UBR4: variants seen among roughly 807,000 people sequenced by gnomAD.
UBR4 encodes the protein E3 ubiquitin-protein ligase UBR4.
UBR4 carries 124 observed loss-of-function variants against 575.6 expected under a neutral mutation model. That is an observed-to-expected ratio of 0.22 (90% CI 0.19 to 0.25). The LOEUF (loss-of-function observed/expected upper bound fraction) is 0.25. Ranked by LOEUF, UBR4 falls within the 10% of genes least tolerant of loss-of-function variation. UBR4 has a pLI of 1.00. For missense variants in UBR4, 4,818 were observed against 6,478.8 expected (o/e 0.74, Z 8.80); for synonymous variants, 2,455 against 2,473.7 (o/e 0.99, Z 0.22).
chr1:19,210,051 C>A, intron 1 of UBR4, 22 bp downstream of exon 1: 1 of 1,529,634 alleles, frequency 6.5e-7, no homozygotes, highest in Non-Finnish European at 8.8e-7. Context: ...CAGCGTCGCC[C>A]GCCAGAGCCG....
At position 19,210,256 on chromosome 1, in the gene UBR4, C is replaced by T. The variant is rs2093254718; in HGVS notation, c.-8G>A. ...GCCGCCGCTCGTCGCCATCTTCCGT[C>T]GTACTACTGCGGCTCCCTCCGGGGG... On this transcript the variant is annotated 5_prime_UTR_variant, in exon 1 of 106. Transcript: ENST00000375254. 1 of 1,444,074 alleles carries T rather than the reference C, an allele frequency of 6.9e-7. No individual in the cohort carries two copies. Among genetic ancestry groups the T allele is most frequent in the Non-Finnish European group, 9.1e-7 (1 of 1,104,598 alleles). The allele number at this position is 1,444,074 out of a possible 1,614,324, so 89.5% of individuals were successfully genotyped here.
chr1:19,189,894 T>C (rs2091906014), intron 11 of UBR4, among the ~76,000 whole-genome samples: 1 of 152,138 alleles, frequency 6.6e-6, no homozygotes. Flanking sequence ...ACCATGTCAA[T>C]ACCGGCTTCA....
At position 19,084,641 on chromosome 1, in the gene UBR4, G is replaced by A. The variant is rs766903871; in HGVS notation, c.14871C>T (p.Asn4957=). The change falls in exon 102 of 106, where the codon AAC becomes AAT. Residue 4957 remains asparagine, a synonymous_variant. Coordinates refer to ENST00000375254, the MANE Select transcript of UBR4 (RefSeq NM_020765.3). ...TGQREPTYQL[N]IHDIKLLFLR... is the part of the protein sequence containing the mutation. ...GGAAGAGCAGTTTGATGTCATGGAT[G>A]TTGAGCTGATACGTGGGCTCCCGCT... The A allele has an allele frequency of 1.9e-6, 3 of 1,614,168 alleles. No homozygotes were observed. Among genetic ancestry groups the A allele is most frequent in the East Asian group, 2.2e-5 (1 of 44,882 alleles).
intron 27 of UBR4, 106 bp downstream of exon 27, chr1:19,169,329 G>T: frequency 1.1e-6 from 1 of 875,668 alleles, no homozygotes; most frequent in Non-Finnish European, 1.7e-6. Flanking sequence ...TGCAGTATAT[G>T]AAGATATCTT....
intron 25 of UBR4, among the ~76,000 whole-genome samples, chr1:19,172,332 C>G (rs1336718673): frequency 1.3e-5 from 2 of 152,112 alleles, no homozygotes; most frequent in Non-Finnish European, 2.9e-5. Context: ...GCCTGGCCAA[C>G]ATGGCGAAAC....
rs572791563 is a variant in UBR4, at chr1:19,187,051, C to A, written c.1632+113G>T. The A allele has an allele frequency of 5.4e-5, 45 of 825,744 alleles. 1 individual carries two copies. In the South Asian group the frequency reaches 2.5e-3, roughly 46 times the overall value. 51.2% of individuals were successfully genotyped at this position (825,744 alleles called of 1,614,324 possible). The stretch of plus-strand genomic sequence containing the variant: ...GTCTATAAAGGTCATGGTGTGTAGT[C>A]AGTCTTATTCATTTCAAGAAAGTTT... On this transcript the variant is annotated intron_variant, in intron 13 of 105. Coordinates refer to ENST00000375254, the MANE Select transcript of UBR4 (RefSeq NM_020765.3).
intron 102 of UBR4, among the ~76,000 whole-genome samples, chr1:19,082,705 AG>A (rs1416966297): frequency 2.0e-5 from 3 of 152,214 alleles, no homozygotes; most frequent in African/African-American, 7.2e-5. Context: ...GGAAAGCAGG[AG>A]GAGAGGGTGC....
chr1:19,086,649 A>G, intron 100 of UBR4, 30 bp downstream of exon 100: 1 of 1,610,904 alleles, frequency 6.2e-7, no homozygotes, highest in Non-Finnish European at 8.5e-7. Flanking sequence ...GGCCTACTGA[A>G]GGAGCCATTC....
Position 19,126,612 on chromosome 1 carries a change from C to T in UBR4, c.9272G>A (p.Ser3091Asn). ...CAGGCAGTAGTCCACAGCCCCAGAG[C>T]TCAGTAGAGCTGCTGCTGTGGCACT... ...ISSATAAALL[S>N]SGAVDYCLHV... Residue 3091 changes from serine to asparagine, a missense_variant, in exon 64 of 106, where the codon AGC (serine) becomes AAC (asparagine). Ser to Asn is a conservative substitution (Grantham distance 46). This residue lies in a region of UBR4 where 550 missense variants were observed against 791.5 expected (regional missense o/e 0.69). Coordinates refer to ENST00000375254, the MANE Select transcript of UBR4 (RefSeq NM_020765.3). 6.2e-7 allele frequency: 1 copy of T among 1,614,048 alleles called. No individual in the cohort carries two copies. Among genetic ancestry groups the T allele is most frequent in the African/African-American group, 1.3e-5 (1 of 75,038 alleles).
At chr1:19,124,420 A>T (rs769754360) in intron 65 of UBR4, 121 bp downstream of exon 65, 40 of 1,348,276 alleles carry the variant, frequency 3.0e-5, no homozygotes, top group Non-Finnish European at 4.0e-5. Context: ...AAGACCTACA[A>T]AGGTGAAAGG....
At chr1:19,202,531 G>A (rs563024393) in intron 1 of UBR4, among the ~76,000 whole-genome samples, 2 of 152,238 alleles carry the variant, frequency 1.3e-5, no homozygotes, top group East Asian at 1.9e-4. Flanking sequence ...AACAACTCAA[G>A]ATAAGAAGTC....
chr1:19,115,780 A>AG, intron 73 of UBR4, 143 bp from the exon 74 acceptor site: 1 of 1,336,772 alleles, frequency 7.5e-7, no homozygotes, highest in Non-Finnish European at 1.0e-6. Flanking sequence ...GGCATATAAT[A>AG]GGAAGCCAGT....
intron 73 of UBR4, among the ~76,000 whole-genome samples, chr1:19,116,238 T>C (rs2080513992): frequency 6.6e-6 from 1 of 152,230 alleles, no homozygotes; most frequent in Non-Finnish European, 1.5e-5. Context: ...CTCCATTTTA[T>C]AGTTACAGAA....
chr1:19,181,398 C>T (rs1289411309), intron 17 of UBR4, among the ~76,000 whole-genome samples: 1 of 152,112 alleles, frequency 6.6e-6, no homozygotes, highest in African/African-American at 2.4e-5. Context: ...TCTCTCTTAC[C>T]CCCAAACCAA....
chr1:19,093,255 AG>A lies in UBR4; in HGVS notation c.14111+57del. On this transcript the variant is annotated intron_variant, in intron 96 of 105. Coordinates refer to ENST00000375254, the MANE Select transcript of UBR4 (RefSeq NM_020765.3). This position sits in a 1 kb window ranked among gnomAD's most constrained non-coding sequence, Gnocchi z 4.8. ...CTTTATGCCAAGATGCTGATGGAGAAGGAAAAGGAAAGGGCAAAGCGAAGGC... is the reference window on the plus strand; with the variant it reads ...CTTTATGCCAAGATGCTGATGGAGAAGAAAAGGAAAGGGCAAAGCGAAGGC... 1 of 1,575,654 alleles carries A rather than the reference AG, an allele frequency of 6.3e-7. No homozygotes were observed. The highest frequency in any genetic ancestry group is 1.2e-5 in the South Asian group (1 of 85,650).
In UBR4 at chr1:19,150,726, C is replaced by T. The variant is rs757867377; in HGVS notation, c.7281G>A (p.Lys2427=). Residue 2427 remains lysine, a synonymous_variant, in exon 49 of 106, where the codon AAG becomes AAA. Transcript: ENST00000375254. ...IDAVKIYGKT[K]EQFGWPDEPP... ...GCTCATCAGGCCAGCCAAACTGCTC[C>T]TTAGTCTTGCCATAAATTTTTACAG... 1 of 1,614,036 alleles carries T rather than the reference C, an allele frequency of 6.2e-7. No individual in the cohort carries two copies. Among genetic ancestry groups the T allele is most frequent in the Non-Finnish European group, 8.5e-7 (1 of 1,179,992 alleles).
At position 19,089,828 on chromosome 1, in the gene UBR4, A is replaced by G. The variant is rs1160223632; in HGVS notation, c.14212-851T>C. Among the ~76,000 whole-genome samples, 1 of 152,224 alleles carries G rather than the reference A, an allele frequency of 6.6e-6. No homozygotes were observed. The highest frequency in any genetic ancestry group is 1.5e-5 in the Non-Finnish European group (1 of 68,030). ...CAAGTCCACTTCCAATCTGTGTCTC[A>G]GCGAAATTACCTATTCCCTCATGTC... On this transcript the variant is annotated intron_variant, in intron 97 of 105. Coordinates refer to ENST00000375254, the MANE Select transcript of UBR4 (RefSeq NM_020765.3). The surrounding 1 kb of genome is among the most constrained non-coding windows in gnomAD (Gnocchi z 4.3).
Position 19,097,260 on chromosome 1 carries a change from A to G in UBR4, c.13323T>C (p.Val4441=). 1 of 1,613,034 alleles carries G rather than the reference A, an allele frequency of 6.2e-7. No homozygotes were observed. Among genetic ancestry groups the G allele is most frequent in the Non-Finnish European group, 8.5e-7 (1 of 1,179,430 alleles). The change falls in exon 91 of 106, where the codon GTT becomes GTC. Residue 4441 remains valine, a synonymous_variant. Coordinates refer to ENST00000375254, the MANE Select transcript of UBR4 (RefSeq NM_020765.3). The part of the protein sequence containing the change: ...TTNEGEPMRI[V]YRMRGLLGDA... ...CGCCCAGCAGCCCCCGCATACGATAAACAATCCTCATGGGCTCTCCCTGAG... is the reference window on the plus strand; with the variant it reads ...CGCCCAGCAGCCCCCGCATACGATAGACAATCCTCATGGGCTCTCCCTGAG...
At chr1:19,079,301 T>C (rs1380970961) in intron 103 of UBR4, 1 of 152,172 alleles carries the variant, frequency 6.6e-6, no homozygotes, top group Non-Finnish European at 1.5e-5. Context: ...TGAAATATGC[T>C]TCCTGTGGCC....
Sources: gnomAD v4.1 joint callset for allele counts (sites outside exome capture counted in the v4.1 genomes callset) on GRCh38, gnomAD v4.1.1 for gene constraint, gnomAD v4.1.1 regional missense constraint, Gnocchi (gnomAD v3.1) non-coding constraint, MANE v1.5 for transcripts, NCBI Gene and HGNC (gene_info 2026-07-23, HGNC 2026-07-21) for gene names.